PDIA5: variants seen among roughly 807,000 people sequenced by gnomAD.
PDIA5 encodes the protein protein disulfide isomerase family A member 5.
In PDIA5, 58 loss-of-function variants were observed where a neutral mutation model predicts 77.6. That is an observed-to-expected ratio of 0.75 (90% confidence interval 0.61 to 0.93). The LOEUF is 0.93. PDIA5 is among the 40% of genes least tolerant of loss of function. The pLI, the probability that PDIA5 is intolerant of heterozygous loss-of-function variation, is 0.00. For synonymous variants in PDIA5, 250 were observed against 252.1 expected, an observed-to-expected ratio of 0.99 and a Z score of 0.08; for missense variants, 630 against 647.7, an observed-to-expected ratio of 0.97 and a Z score of 0.30.
chr3:123,118,525 C>G (rs1053247885), intron 8 of PDIA5, among the ~76,000 whole-genome samples: 1 of 152,270 alleles, frequency 6.6e-6, no homozygotes, highest in East Asian at 1.9e-4. Context: ...GTGGGCCATT[C>G]TCAGCCAATG....
At chr3:123,110,283 T>A (rs1560521809) in intron 6 of PDIA5, among the ~76,000 whole-genome samples, 1 of 152,170 alleles carries the variant, frequency 6.6e-6, no homozygotes, top group Non-Finnish European at 1.5e-5. Flanking sequence ...CTGGCACTGT[T>A]CTAAGGGTTT....
At chr3:123,098,409 C>T (rs909893401) in intron 3 of PDIA5, among the ~76,000 whole-genome samples, 8 of 152,220 alleles carry the variant, frequency 5.3e-5, no homozygotes, top group Admixed American at 5.2e-4. Flanking sequence ...GCCTGACTCC[C>T]AGGAGTGTGT....
chr3:123,083,437 C>T (rs1175788309), intron 1 of PDIA5, among the ~76,000 whole-genome samples: 2 of 152,090 alleles, frequency 1.3e-5, no homozygotes, highest in Non-Finnish European at 2.9e-5. Flanking sequence ...GGCAGCTCAG[C>T]CCTGATGTAA....
In PDIA5 at chr3:123,102,434, G is replaced by A; in HGVS notation, c.281G>A (p.Cys94Tyr). 1 of 1,613,972 alleles carries A rather than the reference G, an allele frequency of 6.2e-7. No individual in the cohort carries two copies. Among genetic ancestry groups the A allele is most frequent in the Non-Finnish European group, 8.5e-7 (1 of 1,179,814 alleles). The change falls in exon 4 of 17, where the codon TGC (cysteine) becomes TAC (tyrosine). Residue 94 changes from cysteine to tyrosine, a missense_variant. Coordinates refer to ENST00000316218, the MANE Select transcript of PDIA5 (RefSeq NM_006810.4). The stretch of plus-strand genomic sequence containing the variant: ...AGTGATGCAGAGAGTAGAAAATTGT[G>A]CAAGAAGATGAAAGTTGACCTGAGC... ...DCGDAESRKL[C>Y]KKMKVDLSPK...
At chr3:123,094,018 G>A (rs1670989715) in intron 3 of PDIA5, among the ~76,000 whole-genome samples, 1 of 152,214 alleles carries the variant, frequency 6.6e-6, no homozygotes, top group African/African-American at 2.4e-5. Context: ...AGTAGTGGCT[G>A]AAGACAGACT....
intron 14 of PDIA5, among the ~76,000 whole-genome samples, chr3:123,151,891 TCCTTCCTGCCTG>T (rs1935913443): frequency 8.3e-6 from 1 of 120,566 alleles, no homozygotes. Flanking sequence ...CTGCCTGCCT[TCCTTCCTGCCTG>T]CCTTCCTTCC....
At chr3:123,104,202 G>A (rs1934675803) in intron 5 of PDIA5, among the ~76,000 whole-genome samples, 1 of 152,158 alleles carries the variant, frequency 6.6e-6, no homozygotes, top group South Asian at 2.1e-4. Context: ...GTGAAGAAGT[G>A]GCTGAGCATC....
At chr3:123,161,277 G>A (rs374761121) in intron 15 of PDIA5, 44 bp from the exon 16 acceptor site, 42 of 1,600,450 alleles carry the variant, frequency 2.6e-5, no homozygotes, top group Non-Finnish European at 3.3e-5. Context: ...CCAGGCCTCA[G>A]CCTGGGGACA....
chr3:123,147,283 A>T (rs1265322225), intron 13 of PDIA5, among the ~76,000 whole-genome samples: 1 of 152,090 alleles, frequency 6.6e-6, no homozygotes, highest in African/African-American at 2.4e-5. Context: ...GTCATGTTGG[A>T]TGAGAGCCCA....
At chr3:123,127,505 A>T (rs989539701) in intron 10 of PDIA5, among the ~76,000 whole-genome samples, 1 of 152,162 alleles carries the variant, frequency 6.6e-6, no homozygotes, top group Non-Finnish European at 1.5e-5. Context: ...TGAAGAAAGG[A>T]CCACAATGCA....
At chr3:123,109,224 A>G in intron 6 of PDIA5, among the ~76,000 whole-genome samples, 1 of 152,230 alleles carries the variant, frequency 6.6e-6, no homozygotes, top group African/African-American at 2.4e-5. Context: ...CCACATAAAT[A>G]ATGAAAAGTT....
At chr3:123,074,439 A>G (rs1037993762) in intron 1 of PDIA5, among the ~76,000 whole-genome samples, 5 of 152,240 alleles carry the variant, frequency 3.3e-5, no homozygotes, top group African/African-American at 1.2e-4. Flanking sequence ...TTTTAAATGT[A>G]TAAAGTAAAA....
At chr3:123,111,296 C>T (rs935586175) in intron 7 of PDIA5, among the ~76,000 whole-genome samples, 3 of 152,246 alleles carry the variant, frequency 2.0e-5, no homozygotes, top group South Asian at 2.1e-4. Context: ...CACCATGTCC[C>T]ATTTCCTGCT....
chr3:123,133,461 G>A (rs1267379663), intron 11 of PDIA5, among the ~76,000 whole-genome samples: 1 of 152,222 alleles, frequency 6.6e-6, no homozygotes, highest in African/African-American at 2.4e-5. Context: ...CGCTTGGTTT[G>A]TTTCTTGGGA....
chr3:123,151,470 G>C (rs1935890975), intron 14 of PDIA5, among the ~76,000 whole-genome samples: 1 of 152,240 alleles, frequency 6.6e-6, no homozygotes, highest in African/African-American at 2.4e-5. Flanking sequence ...GAGAGTGAGA[G>C]TGTTTTCAGC....
chr3:123,135,974 T>G (rs9879205), intron 11 of PDIA5, among the ~76,000 whole-genome samples: 2,718 of 152,142 alleles, frequency 0.018, 70 homozygotes, highest in African/African-American at 0.056. Flanking sequence ...TTCTTTTCTT[T>G]TTTTAGAGAC....
At chr3:123,159,448 G>A (rs1474634609) in intron 15 of PDIA5, among the ~76,000 whole-genome samples, 1 of 152,224 alleles carries the variant, frequency 6.6e-6, no homozygotes, top group Non-Finnish European at 1.5e-5. Context: ...GGGTGCTGGG[G>A]AAGGTATGTT....
In PDIA5 at chr3:123,126,072, A is replaced by T. The variant is rs568668700; in HGVS notation, c.773+1729A>T. 3.9e-5 allele frequency among the ~76,000 whole-genome samples: 6 copies of T among 152,198 alleles called. No homozygotes were observed. The South Asian group carries it at 1.0e-3, about 26-fold the overall frequency. ...CCTTTTCTGATTTCAAAACACCCTC[A>T]TATCTTTTTTGGAAGGATAAGGTTT... On this transcript the variant is annotated intron_variant, in intron 10 of 16. Transcript: ENST00000316218.
intron 1 of PDIA5, among the ~76,000 whole-genome samples, chr3:123,075,465 C>T (rs1044911621): frequency 1.3e-5 from 2 of 152,082 alleles, no homozygotes; most frequent in Admixed American, 6.5e-5. Context: ...AACCAAGTGT[C>T]GCATCCAGTT....
Sources: allele counts gnomAD v4.1 joint callset (sites outside exome capture counted in the v4.1 genomes callset), GRCh38; gene constraint gnomAD v4.1.1; transcripts MANE v1.5; gene names NCBI Gene and HGNC (gene_info 2026-07-23, HGNC 2026-07-21).